The following GOLM2 variants were observed in gnomAD, a reference collection of about 807,000 sequenced individuals.
GOLM2 encodes the protein protein GOLM2.
GOLM2 carries 26 observed loss-of-function variants against 55.9 expected under a neutral mutation model. The ratio of observed to expected loss-of-function variants is 0.47; its 90% CI spans 0.34 to 0.65. The LOEUF (loss-of-function observed/expected upper bound fraction) is 0.65, where lower values mean the gene tolerates loss of function less well. GOLM2 is among the 30% of genes least tolerant of loss of function. GOLM2 has a pLI of 0.01. For missense variants in GOLM2, 486 were observed against 531.8 expected (o/e 0.91, Z 0.85); for synonymous variants, 165 against 194.6 (o/e 0.85, Z 1.27).
intron 4 of GOLM2, among the ~76,000 whole-genome samples, chr15:44,336,366 C>T (rs112833707): frequency 0.021 from 3,257 of 151,704 alleles, 107 homozygotes; most frequent in African/African-American, 0.075. Context: ...ATCCGCCCAC[C>T]TCGGCCTCCC....
intron 9 of GOLM2, among the ~76,000 whole-genome samples, chr15:44,405,662 C>G (rs151230969): frequency 1.6e-3 from 240 of 151,976 alleles, no homozygotes; most frequent in African/African-American, 5.5e-3. Flanking sequence ...TCTGTCTCAC[C>G]CAGGCTAGAG....
chr15:44,342,601 G>A (rs2141150800), intron 6 of GOLM2, among the ~76,000 whole-genome samples: 1 of 152,212 alleles, frequency 6.6e-6, no homozygotes, highest in South Asian at 2.1e-4. Flanking sequence ...AACTATTGGT[G>A]CTTTGCTTTG....
rs548601440 is a variant in GOLM2 at position 44,380,988 on chromosome 15, T to C, written c.1072+12T>C. 8.6e-6 allele frequency: 13 copies of C among 1,514,250 alleles called. No individual in the cohort carries two copies. The highest frequency in any genetic ancestry group is 2.3e-5 in the East Asian group (1 of 42,668). The allele number at this position is 1,514,250 out of a possible 1,614,324, so 93.8% of individuals were successfully genotyped here. A position where few individuals can be genotyped will look rare whatever the true frequency, so the allele number is the denominator to read the frequency against. On this transcript the variant is annotated intron_variant, in intron 8 of 9. Coordinates refer to ENST00000299957, the MANE Select transcript of GOLM2 (RefSeq NM_138423.4). ...TAAATTGAAGCAAAGTAAGAATCAATTGATGAATATTATGCTAAAAATATT... is the reference window on the plus strand; with the variant it reads ...TAAATTGAAGCAAAGTAAGAATCAACTGATGAATATTATGCTAAAAATATT...
Position 44,289,485 on chromosome 15 carries a change from C to A in GOLM2, c.327+129C>A. ...TCAGTCCTGAAGGCTCCTTTCACCC[C>A]CAACAACCCTGTTTCTGTCAGACTT... On this transcript the variant is annotated intron_variant, in intron 1 of 9. Coordinates refer to ENST00000299957, the MANE Select transcript of GOLM2 (RefSeq NM_138423.4). This position sits in a 1 kb window ranked among gnomAD's most constrained non-coding sequence, Gnocchi z 4.8. 1.2e-6 allele frequency: 1 copy of A among 806,762 alleles called. No individual in the cohort carries two copies. The highest frequency in any genetic ancestry group is 1.9e-6 in the Non-Finnish European group (1 of 521,288). The allele number at this position is 806,762 out of a possible 1,614,324, so 50.0% of individuals were successfully genotyped here.
rs2079025582 is a variant in GOLM2, at chr15:44,332,030, T to C, written c.528T>C (p.His176=). The C allele has an allele frequency of 6.2e-7, 1 of 1,604,476 alleles. No individual in the cohort carries two copies. ...GQQMKELRAQ[H]EENIKKLADQ... ...AGATGAAGGAATTGAGAGCACAGCA[T>C]GAAGAAAATATTAAAAAGTTAGCAG... The change falls in exon 4 of 10, where the codon CAT becomes CAC. Residue 176 remains histidine, a synonymous_variant. Transcript: ENST00000299957.
intron 6 of GOLM2, among the ~76,000 whole-genome samples, chr15:44,364,287 G>A (rs2079266940): frequency 6.6e-6 from 1 of 152,172 alleles, no homozygotes; most frequent in South Asian, 2.1e-4. Context: ...ACTTTGGGAG[G>A]CTGAGGCAGG....
chr15:44,369,909 A>T (rs890173775), intron 6 of GOLM2, among the ~76,000 whole-genome samples: 3 of 152,094 alleles, frequency 2.0e-5, no homozygotes, highest in African/African-American at 7.2e-5. Context: ...TTAAGTATTA[A>T]CTCATACGAT....
intron 6 of GOLM2, among the ~76,000 whole-genome samples, chr15:44,370,934 G>A (rs1299976522): frequency 6.6e-6 from 1 of 152,112 alleles, no homozygotes; most frequent in Non-Finnish European, 1.5e-5. Context: ...CACTGGGATT[G>A]CAGGGATGAG....
intron 9 of GOLM2, among the ~76,000 whole-genome samples, chr15:44,408,004 C>T (rs1028489029): frequency 6.6e-6 from 1 of 152,108 alleles, no homozygotes; most frequent in Non-Finnish European, 1.5e-5. Flanking sequence ...CCCGCCTCAG[C>T]CTCCCAAAGT....
At chr15:44,338,367 C>T in intron 6 of GOLM2, 50 bp downstream of exon 6, 1 of 1,321,964 alleles carries the variant, frequency 7.6e-7, no homozygotes, top group Non-Finnish European at 1.1e-6. Flanking sequence ...TAATACATTT[C>T]ATGTGACCCC....
At chr15:44,366,640 A>T (rs746659111) in intron 6 of GOLM2, among the ~76,000 whole-genome samples, 3 of 152,174 alleles carry the variant, frequency 2.0e-5, no homozygotes, top group Non-Finnish European at 4.4e-5. Context: ...TCTCAAAAAT[A>T]AAAATTAAAA....
chr15:44,383,316 A>G (rs542414936), intron 8 of GOLM2, among the ~76,000 whole-genome samples: 1 of 152,146 alleles, frequency 6.6e-6, no homozygotes, highest in South Asian at 2.1e-4. Flanking sequence ...CTTTAAAAGT[A>G]TAGTCCTCAG....
chr15:44,355,906 AT>A (rs1398751151), intron 6 of GOLM2, among the ~76,000 whole-genome samples: 6 of 152,224 alleles, frequency 3.9e-5, no homozygotes, highest in African/African-American at 1.4e-4. Flanking sequence ...TCAGCCAAAA[AT>A]AAAATAAAAT....
At chr15:44,323,072 AATTG>A in intron 2 of GOLM2, 53 bp downstream of exon 2, 1 of 1,167,832 alleles carries the variant, frequency 8.6e-7, no homozygotes, top group Admixed American at 2.6e-5. Flanking sequence ...AAATGCCTAA[AATTG>A]TGAAGAATTA....
chr15:44,336,910 C>T lies in GOLM2; in HGVS notation c.577-853C>T, dbSNP rs985503012. Among the ~76,000 whole-genome samples the T allele has an allele frequency of 5.9e-5, 9 of 151,966 alleles. No individual in the cohort carries two copies. In the South Asian group the frequency reaches 6.2e-4, roughly 11 times the overall value. Reference sequence around the variant, plus strand: ...CAGCCTGGGCGACAAAGCAAGACTCCGTCTCAGAAATAAATAATAATAAAA... The same window carrying T: ...CAGCCTGGGCGACAAAGCAAGACTCTGTCTCAGAAATAAATAATAATAAAA... On this transcript the variant is annotated intron_variant, in intron 4 of 9. Coordinates refer to ENST00000299957, the MANE Select transcript of GOLM2 (RefSeq NM_138423.4).
chr15:44,344,144 C>G (rs1283586365), intron 6 of GOLM2, among the ~76,000 whole-genome samples: 1 of 151,554 alleles, frequency 6.6e-6, no homozygotes, highest in Non-Finnish European at 1.5e-5. Flanking sequence ...CCTGTAGTCT[C>G]AGCTACTCAG....
intron 6 of GOLM2, among the ~76,000 whole-genome samples, chr15:44,378,969 ACTC>A (rs1321059942): frequency 6.6e-6 from 1 of 150,870 alleles, no homozygotes; most frequent in Non-Finnish European, 1.5e-5. Flanking sequence ...CTGATCTTGA[ACTC>A]CTGACCTTGT....
At chr15:44,377,822 A>G (rs1457789607) in intron 6 of GOLM2, among the ~76,000 whole-genome samples, 3 of 151,938 alleles carry the variant, frequency 2.0e-5, no homozygotes, top group Admixed American at 2.0e-4. Context: ...ATTATAAGAT[A>G]GTATATATGA....
At chr15:44,369,947 G>A (rs1252927114) in intron 6 of GOLM2, among the ~76,000 whole-genome samples, 2 of 152,072 alleles carry the variant, frequency 1.3e-5, no homozygotes, top group African/African-American at 4.8e-5. Flanking sequence ...GGTTGTCTGC[G>A]AGCTTGAGGA....
Sources: gnomAD v4.1 joint callset for allele counts (sites outside exome capture counted in the v4.1 genomes callset) on GRCh38, gnomAD v4.1.1 for gene constraint, Gnocchi (gnomAD v3.1) non-coding constraint, MANE v1.5 for transcripts, NCBI Gene and HGNC (gene_info 2026-07-23, HGNC 2026-07-21) for gene names.